Variants in MCUB observed in about 807,000 individuals in gnomAD.
MCUB encodes mitochondrial calcium uniporter dominant negative subunit beta.
MCUB carries 46 observed loss-of-function variants against 41.4 expected under a neutral mutation model. That is an observed-to-expected ratio of 1.11 (90% confidence interval 0.88 to 1.42). The LOEUF (loss-of-function observed/expected upper bound fraction) is 1.42, where lower values mean the gene tolerates loss of function less well. MCUB is among the 40% of genes most tolerant of loss of function. The probability of loss-of-function intolerance (pLI) is 0.00; values close to 1 mark genes in which losing one functional copy is unlikely to be tolerated. For synonymous variants in MCUB, 148 were observed against 148.2 expected, an observed-to-expected ratio of 1.00 and a Z score of 0.01; for missense variants, 403 against 404.9, an observed-to-expected ratio of 1.00 and a Z score of 0.04.
rs1729202083 is a variant in MCUB, at chr4:109,660,323, A to G, written c.304A>G (p.Asn102Asp). 6.2e-7 allele frequency: 1 copy of G among 1,609,176 alleles called. No individual in the cohort carries two copies. Among genetic ancestry groups the G allele is most frequent in the African/African-American group, 1.3e-5 (1 of 74,802 alleles). ...TVGSFLQDLQNEDKGIKTAAI... is the reference protein window; with the variant it reads ...TVGSFLQDLQDEDKGIKTAAI... The stretch of plus-strand genomic sequence containing the variant: ...TGGTTCATTCCTTCAGGACCTACAA[A>G]ATGAAGATAAGGGTATCAAAACTGC... Residue 102 changes from asparagine to aspartate, a missense_variant, in exon 3 of 8, where the codon AAT (asparagine) becomes GAT (aspartate). Transcript: ENST00000394650.
intron 4 of MCUB, among the ~76,000 whole-genome samples, chr4:109,671,779 A>G (rs1729464717): frequency 6.6e-6 from 1 of 151,848 alleles, no homozygotes; most frequent in African/African-American, 2.4e-5. Context: ...TTTGCCTTTT[A>G]GCTTGTCTTT....
At position 109,634,991 on chromosome 4, in the gene MCUB, C is replaced by T. The variant is rs141453547; in HGVS notation, c.100-24020C>T. ...TGATAGGCCCCAGTGTGTGATGTTC[C>T]CCTCCCTGTGTCCATGTGCTCTCAC... On this transcript the variant is annotated intron_variant, in intron 1 of 7. Coordinates refer to ENST00000394650, the MANE Select transcript of MCUB (RefSeq NM_017918.5). Among the ~76,000 whole-genome samples the T allele has an allele frequency of 3.7e-3, 557 of 152,042 alleles. 6 individuals are homozygous for T. Among genetic ancestry groups the T allele is most frequent in the East Asian group, 0.015 (76 of 5,170 alleles).
intron 4 of MCUB, among the ~76,000 whole-genome samples, chr4:109,676,193 T>C (rs892114154): frequency 1.3e-5 from 2 of 152,148 alleles, no homozygotes; most frequent in African/African-American, 4.8e-5. Context: ...GTAGGAAGTC[T>C]AAAAGTTTTT....
rs544410346 is a variant in MCUB, at chr4:109,566,802, G to A, written c.99+6366G>A. Among the ~76,000 whole-genome samples the A allele has an allele frequency of 2.5e-4, 38 of 152,310 alleles. No homozygotes were observed. The South Asian group carries it at 3.5e-3, about 14-fold the overall frequency. Reference sequence around the variant, plus strand: ...TAGGGCCAGGTTGGCAGGCATTCACGTGTCGCATTGCTAGCTTAACACCAA... The same window carrying A: ...TAGGGCCAGGTTGGCAGGCATTCACATGTCGCATTGCTAGCTTAACACCAA... On this transcript the variant is annotated intron_variant, in intron 1 of 7. Coordinates refer to ENST00000394650, the MANE Select transcript of MCUB (RefSeq NM_017918.5).
chr4:109,630,713 C>T (rs1409026840), intron 1 of MCUB, among the ~76,000 whole-genome samples: 2 of 152,046 alleles, frequency 1.3e-5, no homozygotes, highest in East Asian at 3.9e-4. Context: ...TCCCGAGTAG[C>T]TGGGATTACA....
chr4:109,684,855 G>C, intron 6 of MCUB: 1 of 475,326 alleles, frequency 2.1e-6, no homozygotes, highest in Non-Finnish European at 3.7e-6. Flanking sequence ...AGTAATTAGT[G>C]TAACACACAA....
intron 1 of MCUB, among the ~76,000 whole-genome samples, chr4:109,617,743 AAAT>A (rs1728162732): frequency 6.6e-6 from 1 of 152,232 alleles, no homozygotes; most frequent in African/African-American, 2.4e-5. Flanking sequence ...TTGCTGTTAT[AAAT>A]AATGTTACAG....
intron 7 of MCUB, among the ~76,000 whole-genome samples, chr4:109,685,913 TC>T (rs1729827621): frequency 6.6e-6 from 1 of 152,218 alleles, no homozygotes; most frequent in Non-Finnish European, 1.5e-5. Flanking sequence ...CCCAATTTAC[TC>T]ATTAACTTTG....
intron 1 of MCUB, among the ~76,000 whole-genome samples, chr4:109,643,918 T>C (rs1728774390): frequency 6.6e-6 from 1 of 152,188 alleles, no homozygotes; most frequent in African/African-American, 2.4e-5. Context: ...AAATAAACTA[T>C]TTGCTCTAAG....
At chr4:109,623,571 G>T (rs1392526070) in intron 1 of MCUB, among the ~76,000 whole-genome samples, 1 of 152,164 alleles carries the variant, frequency 6.6e-6, no homozygotes, top group Non-Finnish European at 1.5e-5. Context: ...ATAAAATAGG[G>T]TTGCTCTGGA....
chr4:109,607,013 C>T (rs1166354918), intron 1 of MCUB, among the ~76,000 whole-genome samples: 1 of 152,118 alleles, frequency 6.6e-6, no homozygotes, highest in African/African-American at 2.4e-5. Context: ...TCCCAAAGTG[C>T]TAAGATTACA....
intron 1 of MCUB, among the ~76,000 whole-genome samples, chr4:109,594,971 T>C (rs1298770226): frequency 6.6e-6 from 1 of 151,840 alleles, no homozygotes; most frequent in African/African-American, 2.4e-5. Context: ...GTTCCAAGAA[T>C]TGCCAATCCC....
intron 1 of MCUB, among the ~76,000 whole-genome samples, chr4:109,606,434 T>C (rs908060075): frequency 6.6e-6 from 1 of 152,158 alleles, no homozygotes; most frequent in Non-Finnish European, 1.5e-5. Context: ...CTTCCTTCTT[T>C]TTTTCCTTCC....
chr4:109,571,679 A>G (rs1223980265), intron 1 of MCUB, among the ~76,000 whole-genome samples: 1 of 152,234 alleles, frequency 6.6e-6, no homozygotes, highest in Non-Finnish European at 1.5e-5. Flanking sequence ...GTCAAGCAGT[A>G]GCTCTGCTCC....
At chr4:109,579,807 T>C (rs1727126518) in intron 1 of MCUB, among the ~76,000 whole-genome samples, 1 of 152,274 alleles carries the variant, frequency 6.6e-6, no homozygotes, top group South Asian at 2.1e-4. Context: ...AAATGATATT[T>C]AAAGTCTGAC....
intron 3 of MCUB, among the ~76,000 whole-genome samples, chr4:109,661,346 T>C (rs1361096808): frequency 6.6e-6 from 1 of 152,186 alleles, no homozygotes; most frequent in Non-Finnish European, 1.5e-5. Flanking sequence ...AATAAAGTTA[T>C]TTAGGTTCAT....
intron 1 of MCUB, among the ~76,000 whole-genome samples, chr4:109,597,366 C>T (rs1224115948): frequency 2.4e-3 from 288 of 121,700 alleles, no homozygotes; most frequent in African/African-American, 8.4e-3. Flanking sequence ...GGGGGGCTGA[C>T]CCCCCCACCT....
At chr4:109,600,953 C>T (rs1727719444) in intron 1 of MCUB, among the ~76,000 whole-genome samples, 2 of 152,038 alleles carry the variant, frequency 1.3e-5, no homozygotes, top group Admixed American at 1.3e-4. Flanking sequence ...CACCACCAAG[C>T]CCAGCTAATT....
intron 1 of MCUB, among the ~76,000 whole-genome samples, chr4:109,561,667 TGTA>T (rs1726640709): frequency 1.3e-5 from 2 of 152,254 alleles, no homozygotes; most frequent in Non-Finnish European, 2.9e-5. Flanking sequence ...TGTTGCATTG[TGTA>T]GTCAAAGAGA....
Sources: allele counts gnomAD v4.1 joint callset (sites outside exome capture counted in the v4.1 genomes callset), GRCh38; gene constraint gnomAD v4.1.1; transcripts MANE v1.5; gene names NCBI Gene and HGNC (gene_info 2026-07-23, HGNC 2026-07-21).